Variants in TRHDE observed in about 807,000 individuals in gnomAD.
TRHDE encodes the protein thyrotropin releasing hormone degrading enzyme.
A neutral mutation model predicts 125.7 loss-of-function variants in TRHDE; 72 were observed. The ratio of observed to expected loss-of-function variants is 0.57; its 90% CI spans 0.47 to 0.70. TRHDE has a LOEUF of 0.70. TRHDE is among the 30% of genes least tolerant of loss of function. TRHDE has a pLI of 0.00. For synonymous variants in TRHDE, 509 were observed against 509.1 expected (o/e 1.00, Z 0.00); for missense variants, 1,110 against 1,327.1 (o/e 0.84, Z 2.54).
At chr12:72,260,187 T>G (rs901138435) in intron 2 of TRHDE, among the ~76,000 whole-genome samples, 1 of 152,192 alleles carries the variant, frequency 6.6e-6, no homozygotes, top group Non-Finnish European at 1.5e-5. Flanking sequence ...ATATGCTGAT[T>G]TCAAAATCTA....
At chr12:72,271,432 C>T (rs1879205558), upstream of TRHDE, among the ~76,000 whole-genome samples, 1 of 152,022 alleles carries the variant, frequency 6.6e-6, no homozygotes, top group African/African-American at 2.4e-5. Context: ...CGCGGTGGGG[C>T]TAAGGAGTCA....
At chr12:72,204,539 G>C (rs10879377) in intron 2 of TRHDE, among the ~76,000 whole-genome samples, 20,470 of 151,896 alleles carry the variant, frequency 0.13, 2,173 homozygotes, top group African/African-American at 0.29. Flanking sequence ...CTTTCCTGAG[G>C]TCAAAACTCC....
At chr12:72,211,398 A>C (rs924329789) in intron 2 of TRHDE, among the ~76,000 whole-genome samples, 1 of 152,254 alleles carries the variant, frequency 6.6e-6, no homozygotes, top group African/African-American at 2.4e-5. Context: ...CTAATATTAG[A>C]TAAAGTAGAC....
chr12:72,635,232 T>A (rs1302347661), intron 15 of TRHDE, among the ~76,000 whole-genome samples: 2 of 152,166 alleles, frequency 1.3e-5, no homozygotes, highest in Non-Finnish European at 2.9e-5. Flanking sequence ...TGGTTTTGAT[T>A]TGCATTTCTT....
At chr12:72,395,530 C>A (rs529846448) in intron 3 of TRHDE, among the ~76,000 whole-genome samples, 2 of 152,232 alleles carry the variant, frequency 1.3e-5, no homozygotes, top group Admixed American at 6.5e-5. Flanking sequence ...AATTCCCAAC[C>A]TACTAATCCT....
chr12:72,447,461 A>G (rs1224604508), intron 3 of TRHDE, among the ~76,000 whole-genome samples: 1 of 152,094 alleles, frequency 6.6e-6, no homozygotes, highest in Non-Finnish European at 1.5e-5. Context: ...ACAGTCTCCT[A>G]GTGATGTCAA....
chr12:72,124,818 C>T (rs905063811), intron 2 of TRHDE, among the ~76,000 whole-genome samples: 5 of 152,076 alleles, frequency 3.3e-5, no homozygotes, highest in Non-Finnish European at 7.4e-5. Context: ...CTGAGGTTGG[C>T]AGGATCTTGA....
chr12:72,280,867 G>A (rs12318344), intron 1 of TRHDE, among the ~76,000 whole-genome samples: 14,828 of 152,098 alleles, frequency 0.097, 2,241 homozygotes, highest in African/African-American at 0.32. Flanking sequence ...GACAACAGCA[G>A]TACTTTATAA....
At chr12:72,309,154 A>C (rs186316696) in intron 2 of TRHDE, among the ~76,000 whole-genome samples, 32 of 152,232 alleles carry the variant, frequency 2.1e-4, no homozygotes, top group African/African-American at 7.5e-4. Context: ...TCCAGTCCCC[A>C]GCAGCTAGTA....
intron 2 of TRHDE, among the ~76,000 whole-genome samples, chr12:72,299,190 A>T (rs1372361246): frequency 6.6e-6 from 1 of 152,216 alleles, no homozygotes; most frequent in Non-Finnish European, 1.5e-5. Flanking sequence ...ACAAAGAGAC[A>T]AATTATTTCC....
chr12:72,478,931 A>AC (rs1160407925), intron 5 of TRHDE, among the ~76,000 whole-genome samples: 3 of 151,162 alleles, frequency 2.0e-5, no homozygotes, highest in African/African-American at 2.4e-5. Context: ...GCAAAAAAAA[A>AC]AAAAAAAAAA....
intron 3 of TRHDE, among the ~76,000 whole-genome samples, chr12:72,395,037 A>C (rs1872737861): frequency 1.3e-5 from 2 of 152,208 alleles, no homozygotes; most frequent in South Asian, 4.1e-4. Flanking sequence ...TACCTAACAT[A>C]GTTATTATTT....
intron 7 of TRHDE, among the ~76,000 whole-genome samples, chr12:72,551,892 C>T (rs888743178): frequency 6.6e-6 from 1 of 151,926 alleles, no homozygotes; most frequent in African/African-American, 2.4e-5. Flanking sequence ...CTTGAGAAGA[C>T]GGTAGGTATG....
At position 72,656,911 on chromosome 12, in the gene TRHDE, C is replaced by CT. The variant is rs759630344; in HGVS notation, c.2985-9dup. Reference sequence around the variant, plus strand: ...TATGACCTGCATTGACATTAAGACTCTTTTTTTCTTTTGAGGTATGGAGAA... The same window carrying CT: ...TATGACCTGCATTGACATTAAGACTCTTTTTTTTCTTTTGAGGTATGGAGAA... On this transcript the variant is annotated splice_polypyrimidine_tract_variant and intron_variant, in intron 17 of 18. Transcript: ENST00000261180. 6 of 1,564,144 alleles carry CT rather than the reference C, an allele frequency of 3.8e-6. No individual in the cohort carries two copies. The highest frequency in any genetic ancestry group is 1.1e-5 in the South Asian group (1 of 87,248).
At chr12:72,518,535 G>A (rs1406988792) in intron 6 of TRHDE, among the ~76,000 whole-genome samples, 1 of 152,272 alleles carries the variant, frequency 6.6e-6, no homozygotes, top group East Asian at 1.9e-4. Flanking sequence ...GAGCCTGTGT[G>A]TGTCTCTGCA....
intron 3 of TRHDE, among the ~76,000 whole-genome samples, chr12:72,437,282 TC>T (rs1249465762): frequency 1.3e-5 from 2 of 151,894 alleles, no homozygotes; most frequent in African/African-American, 4.8e-5. Flanking sequence ...GTAATTATTA[TC>T]TTGCCTCTTT....
At chr12:72,368,044 A>G (rs1371727267) in intron 2 of TRHDE, among the ~76,000 whole-genome samples, 1 of 152,182 alleles carries the variant, frequency 6.6e-6, no homozygotes, top group Non-Finnish European at 1.5e-5. Context: ...GCTGTGTGGT[A>G]TAACTATACA....
At chr12:72,466,647 A>G (rs138960317) in intron 3 of TRHDE, among the ~76,000 whole-genome samples, 97 of 152,264 alleles carry the variant, frequency 6.4e-4, no homozygotes, top group African/African-American at 2.3e-3. Flanking sequence ...TTTCAGCCAC[A>G]TCACCCTTCT....
intron 2 of TRHDE, among the ~76,000 whole-genome samples, chr12:72,245,241 G>GTT (rs1325053161): frequency 2.7e-4 from 40 of 145,634 alleles, no homozygotes; most frequent in African/African-American, 1.0e-3. Context: ...ATGTTTGTGT[G>GTT]TATGTGTGTG....
Sources: allele counts gnomAD v4.1 joint callset (sites outside exome capture counted in the v4.1 genomes callset), GRCh38; gene constraint gnomAD v4.1.1; transcripts MANE v1.5; gene names NCBI Gene and HGNC (gene_info 2026-07-23, HGNC 2026-07-21).